The following ZNF704 variants were observed in gnomAD, a reference collection of about 807,000 sequenced individuals.
The protein encoded by ZNF704 is glucocorticoid induced gene 1.
A neutral mutation model predicts 44.7 loss-of-function variants in ZNF704; 10 were observed. The ratio of observed to expected loss-of-function variants is 0.22; its 90% CI spans 0.14 to 0.38. The LOEUF (loss-of-function observed/expected upper bound fraction) is 0.38, where lower values mean the gene tolerates loss of function less well. Among genes scored for constraint, ZNF704 ranks in the 10% least tolerant of loss-of-function variants. The probability of loss-of-function intolerance (pLI) is 1.00; values close to 1 mark genes in which losing one functional copy is unlikely to be tolerated. For synonymous variants in ZNF704, 211 were observed against 207.6 expected (o/e 1.02, Z -0.14); for missense variants, 390 against 545.5 (o/e 0.71, Z 2.84).
Position 80,836,483 on chromosome 8 carries a change from G to A in ZNF704, c.-21-14868C>T, listed in dbSNP as rs186259281. ...CATATTCTATTCTATATCAGCTACA[G>A]AATTATCATTCTAGCCAGGTGTGGT... On this transcript the variant is annotated intron_variant, in intron 1 of 8. Transcript: ENST00000327835. 3.3e-5 allele frequency among the ~76,000 whole-genome samples: 5 copies of A among 152,148 alleles called. No homozygotes were observed. The East Asian group carries it at 9.7e-4, about 29-fold the overall frequency.
At chr8:80,693,248 T>G in intron 2 of ZNF704, 141 bp from the exon 3 acceptor site, 1 of 700,718 alleles carries the variant, frequency 1.4e-6, no homozygotes, top group Non-Finnish European at 2.5e-6. Context: ...ATTTTATAGA[T>G]GAGGAAGCTG....
chr8:80,791,555 C>T (rs1277340449), intron 2 of ZNF704, among the ~76,000 whole-genome samples: 1 of 152,196 alleles, frequency 6.6e-6, no homozygotes, highest in Admixed American at 6.5e-5. Flanking sequence ...GTCTTAATAG[C>T]AGACTCTGAT....
chr8:80,707,789 G>A (rs116449246), intron 2 of ZNF704, among the ~76,000 whole-genome samples: 3,467 of 152,004 alleles, frequency 0.023, 139 homozygotes, highest in African/African-American at 0.079. Context: ...TTTATTTCTG[G>A]AGCTGGCTTT....
At chr8:80,670,878 C>T (rs746936237) in intron 4 of ZNF704, among the ~76,000 whole-genome samples, 2 of 152,196 alleles carry the variant, frequency 1.3e-5, no homozygotes, top group Non-Finnish European at 2.9e-5. Context: ...GCTGTCTAAA[C>T]AGTGGATAAC....
At chr8:80,851,914 C>G (rs1808870558) in intron 1 of ZNF704, among the ~76,000 whole-genome samples, 1 of 151,512 alleles carries the variant, frequency 6.6e-6, no homozygotes, top group African/African-American at 2.4e-5. Flanking sequence ...CATCATTTTT[C>G]TTTTTTCCAG....
intron 1 of ZNF704, among the ~76,000 whole-genome samples, chr8:80,844,991 C>T (rs938402138): frequency 6.6e-6 from 1 of 151,940 alleles, no homozygotes; most frequent in African/African-American, 2.4e-5. Context: ...GGAATATTTC[C>T]TGATTTTGAT....
chr8:80,824,529 A>C (rs1236314744), intron 1 of ZNF704, among the ~76,000 whole-genome samples: 2 of 152,252 alleles, frequency 1.3e-5, no homozygotes, highest in Non-Finnish European at 1.5e-5. Context: ...AACTTCCCCA[A>C]CCTAGCAAGG....
intron 2 of ZNF704, among the ~76,000 whole-genome samples, chr8:80,705,367 G>A (rs757434423): frequency 1.4e-5 from 2 of 148,040 alleles, no homozygotes; most frequent in Non-Finnish European, 3.0e-5. Context: ...GTTGTGTGTC[G>A]GGGCCTTGTG....
Position 80,688,003 on chromosome 8 carries a change from C to T in ZNF704, c.326-545G>A, listed in dbSNP as rs117985381. 6.0e-3 allele frequency among the ~76,000 whole-genome samples: 919 copies of T among 152,092 alleles called. 2 individuals are homozygous for T. Among genetic ancestry groups the T allele is most frequent in the Middle Eastern group, 0.014 (4 of 294 alleles). The stretch of plus-strand genomic sequence containing the variant: ...GGAGGATCGCTTGAGGCCAGGAATT[C>T]GAGGCCAGCCTGGGTTACATAGTGA... On this transcript the variant is annotated intron_variant, in intron 3 of 8. Transcript: ENST00000327835.
chr8:80,755,697 G>C (rs1807023144), intron 2 of ZNF704, among the ~76,000 whole-genome samples: 1 of 152,132 alleles, frequency 6.6e-6, no homozygotes, highest in Non-Finnish European at 1.5e-5. Flanking sequence ...GAGAACCATG[G>C]CTTCACATGA....
At chr8:80,882,182 T>C in the ZNF704 span, among the ~76,000 whole-genome samples, 574 of 152,320 alleles carry the variant, frequency 3.8e-3, 3 homozygotes, top group African/African-American at 0.013. Flanking sequence ...ATTTTCTTGA[T>C]ACGTTTGACT....
intron 2 of ZNF704, among the ~76,000 whole-genome samples, chr8:80,766,992 C>T (rs1326575429): frequency 1.3e-5 from 2 of 152,072 alleles, no homozygotes; most frequent in East Asian, 3.9e-4. Context: ...GGATTATAGG[C>T]GTGAGCCACT....
Position 80,687,260 on chromosome 8 carries a change from A to G in ZNF704, c.524T>C (p.Leu175Pro). 1 of 1,612,824 alleles carries G rather than the reference A, an allele frequency of 6.2e-7. No homozygotes were observed. ...DGIDEAEASN[L>P]LFDEPIPRKR... ...CCTGGGAATGGGCTCGTCGAAGAGCAGGTTGCTGGCCTCCGCCTCGTCGAT... is the reference window on the plus strand; with the variant it reads ...CCTGGGAATGGGCTCGTCGAAGAGCGGGTTGCTGGCCTCCGCCTCGTCGAT... The change falls in exon 4 of 9, where the codon CTG becomes CCG. Residue 175 changes from leucine (L) to proline (P), a missense_variant. Coordinates refer to ENST00000327835, the MANE Select transcript of ZNF704 (RefSeq NM_001033723.3).
chr8:80,771,444 AT>A (rs1807318365), intron 2 of ZNF704, among the ~76,000 whole-genome samples: 1 of 151,948 alleles, frequency 6.6e-6, no homozygotes, highest in African/African-American at 2.4e-5. Flanking sequence ...TTAAGTATAT[AT>A]TTTTTCTTTG....
chr8:80,852,996 G>C (rs1294262470), intron 1 of ZNF704, among the ~76,000 whole-genome samples: 2 of 152,102 alleles, frequency 1.3e-5, no homozygotes, highest in Non-Finnish European at 2.9e-5. Flanking sequence ...TTTAAGGTAG[G>C]TCACCAATAA....
At chr8:80,754,918 C>T (rs1214301423) in intron 2 of ZNF704, among the ~76,000 whole-genome samples, 1 of 152,210 alleles carries the variant, frequency 6.6e-6, no homozygotes, top group African/African-American at 2.4e-5. Context: ...TTTAAGTCTA[C>T]TGAGATTTGG....
rs1352054501 is a variant in ZNF704 at position 80,640,005 on chromosome 8, CCAAA to C, written c.*1357_*1360del. The C allele has an allele frequency of 2.0e-5, 3 of 152,680 alleles. No homozygotes were observed. The highest frequency in any genetic ancestry group is 2.1e-4 in the South Asian group (1 of 4,806). 9.5% of individuals were successfully genotyped at this position (152,680 alleles called of 1,614,324 possible). A position where few individuals can be genotyped will look rare whatever the true frequency, so the allele number is the denominator to read the frequency against. ...TCCCCTCTCCCCACACCACTATCCCCCAAACAAACAAGCAAGTAAGTTACGAAGC... is the reference window on the plus strand; with the variant it reads ...TCCCCTCTCCCCACACCACTATCCCCCAAACAAGCAAGTAAGTTACGAAGC... On this transcript the variant is annotated 3_prime_UTR_variant, in exon 9 of 9. Coordinates refer to ENST00000327835, the MANE Select transcript of ZNF704 (RefSeq NM_001033723.3).
intron 2 of ZNF704, among the ~76,000 whole-genome samples, chr8:80,788,399 C>T (rs933287597): frequency 2.0e-5 from 3 of 152,140 alleles, no homozygotes; most frequent in African/African-American, 4.8e-5. Context: ...TTCTTTCTAA[C>T]AGAATGTTTC....
chr8:80,764,086 G>A (rs1807178168), intron 2 of ZNF704, among the ~76,000 whole-genome samples: 2 of 152,102 alleles, frequency 1.3e-5, no homozygotes, highest in African/African-American at 4.8e-5. Flanking sequence ...GTCTTCTTCT[G>A]AGCATTCCAA....
Sources: gnomAD v4.1 joint callset for allele counts (sites outside exome capture counted in the v4.1 genomes callset) on GRCh38, gnomAD v4.1.1 for gene constraint, MANE v1.5 for transcripts, NCBI Gene and HGNC (gene_info 2026-07-23, HGNC 2026-07-21) for gene names.